WDR70: variants seen among roughly 807,000 people sequenced by gnomAD.
WDR70 encodes the protein WD repeat-containing protein 70.
A neutral mutation model predicts 88.6 loss-of-function variants in WDR70; 53 were observed. The ratio of observed to expected loss-of-function variants is 0.60; its 90% CI spans 0.48 to 0.75. WDR70 has a LOEUF of 0.75. WDR70 is among the 30% of genes least tolerant of loss of function. The probability of loss-of-function intolerance (pLI) is 0.00; values close to 1 mark genes in which losing one functional copy is unlikely to be tolerated. For synonymous variants in WDR70, 280 were observed against 270.0 expected (o/e 1.04, Z -0.36); for missense variants, 610 against 823.2 (o/e 0.74, Z 3.17).
intron 10 of WDR70, among the ~76,000 whole-genome samples, chr5:37,666,215 GCACTTGTGTTCA>G (rs1261379830): frequency 1.3e-5 from 2 of 152,150 alleles, no homozygotes; most frequent in Non-Finnish European, 2.9e-5. Flanking sequence ...ATTGGGATCT[GCACTTGTGTTCA>G]CACTTGTGTT....
At chr5:37,624,919 ATGTAGGTCAGATAATTCCTT>A (rs1415416016) in intron 10 of WDR70, among the ~76,000 whole-genome samples, 1 of 152,180 alleles carries the variant, frequency 6.6e-6, no homozygotes, top group African/African-American at 2.4e-5. Flanking sequence ...CAGACAAACA[ATGTAGGTCAGATAATTCCTT>A]TGTGGTCAGT....
chr5:37,646,990 C>A (rs990852260), intron 10 of WDR70, among the ~76,000 whole-genome samples: 1 of 152,136 alleles, frequency 6.6e-6, no homozygotes, highest in African/African-American at 2.4e-5. Context: ...CTCTTTAAGG[C>A]CAATAACTCT....
chr5:37,635,788 C>A (rs1561931722), intron 10 of WDR70, among the ~76,000 whole-genome samples: 2 of 152,156 alleles, frequency 1.3e-5, no homozygotes, highest in Non-Finnish European at 2.9e-5. Flanking sequence ...CAAATCTCAT[C>A]TTGAATTGTA....
chr5:37,738,353 G>A (rs1036372183), intron 17 of WDR70, among the ~76,000 whole-genome samples: 2 of 152,130 alleles, frequency 1.3e-5, no homozygotes, highest in African/African-American at 4.8e-5. Context: ...CCTCATACTT[G>A]CTCTGTTACC....
intron 10 of WDR70, among the ~76,000 whole-genome samples, chr5:37,697,153 G>T (rs1409633313): frequency 6.6e-6 from 1 of 152,306 alleles, no homozygotes; most frequent in East Asian, 1.9e-4. Flanking sequence ...TTGTGTAAGG[G>T]TTAGCTGCTG....
At chr5:37,415,634 CG>C (rs1749703082) in intron 5 of WDR70, among the ~76,000 whole-genome samples, 1 of 150,380 alleles carries the variant, frequency 6.6e-6, no homozygotes, top group Non-Finnish European at 1.5e-5. Context: ...ACCTCCCTCC[CG>C]GACGGGGCGG....
At chr5:37,494,940 C>A (rs911899987) in intron 8 of WDR70, among the ~76,000 whole-genome samples, 4 of 152,232 alleles carry the variant, frequency 2.6e-5, no homozygotes, top group Admixed American at 2.6e-4. Context: ...CCAGCCACCA[C>A]CCTGTTTTTG....
chr5:37,538,529 C>G (rs1741729259), intron 9 of WDR70, among the ~76,000 whole-genome samples: 1 of 152,132 alleles, frequency 6.6e-6, no homozygotes, highest in South Asian at 2.1e-4. Flanking sequence ...AGAAACTATT[C>G]CAGTGAAGGC....
intron 5 of WDR70, among the ~76,000 whole-genome samples, chr5:37,422,990 A>G (rs918094649): frequency 6.6e-6 from 1 of 152,138 alleles, no homozygotes; most frequent in African/African-American, 2.4e-5. Flanking sequence ...ATTGCTACCA[A>G]GGTGGTGGAG....
At chr5:37,610,180 T>C (rs9292658) in intron 10 of WDR70, among the ~76,000 whole-genome samples, 16,159 of 150,876 alleles carry the variant, frequency 0.11, 2,794 homozygotes, top group African/African-American at 0.37. Flanking sequence ...GCAGGAGAAT[T>C]GCTTGAATCT....
At chr5:37,679,025 A>G (rs1157590161) in intron 10 of WDR70, among the ~76,000 whole-genome samples, 1 of 152,106 alleles carries the variant, frequency 6.6e-6, no homozygotes, top group African/African-American at 2.4e-5. Flanking sequence ...TGATCACATC[A>G]GCTCCTGAGG....
In WDR70 at chr5:37,721,198, C is replaced by G; in HGVS notation, c.1500C>G (p.Asp500Glu). ...TGNGLAKVYY[D>E]PNKSQRGAKL... ...ATGGATTGGCTAAAGTCTATTACGACCCCAACAAGAGTCAGAGGTATTTCA... is the reference window on the plus strand; with the variant it reads ...ATGGATTGGCTAAAGTCTATTACGAGCCCAACAAGAGTCAGAGGTATTTCA... Residue 500 changes from aspartate to glutamate, a missense_variant, in exon 14 of 18, where the codon GAC (aspartate) becomes GAG (glutamate). Around this residue, in one of 4 missense-constraint regions of WDR70, gnomAD observed 254 missense variants for 300.7 expected, o/e 0.84. Transcript: ENST00000265107. 1 of 1,613,592 alleles carries G rather than the reference C, an allele frequency of 6.2e-7. No individual in the cohort carries two copies. The highest frequency in any genetic ancestry group is 8.5e-7 in the Non-Finnish European group (1 of 1,179,680).
Position 37,701,401 on chromosome 5 carries a change from G to A in WDR70, c.1277+259G>A, listed in dbSNP as rs539159546. 4.6e-5 allele frequency among the ~76,000 whole-genome samples: 7 copies of A among 152,100 alleles called. No homozygotes were observed. In the East Asian group the frequency reaches 1.4e-3, roughly 29 times the overall value. On this transcript the variant is annotated intron_variant, in intron 12 of 17. Transcript: ENST00000265107. ...TGTATTGTATGCACGCACAAGTCTTGGAGTATTAAAATATATTTTAAGAGA... is the reference window on the plus strand; with the variant it reads ...TGTATTGTATGCACGCACAAGTCTTAGAGTATTAAAATATATTTTAAGAGA...
intron 10 of WDR70, 21 bp downstream of exon 10, chr5:37,605,259 G>C (rs375236083): frequency 1.9e-6 from 3 of 1,580,870 alleles, no homozygotes; most frequent in Non-Finnish European, 1.7e-6. Context: ...TCTTTTCTTA[G>C]AACATGGCCA....
chr5:37,601,143 T>C (rs1409876845), intron 9 of WDR70, among the ~76,000 whole-genome samples: 1 of 152,376 alleles, frequency 6.6e-6, no homozygotes, highest in East Asian at 1.9e-4. Flanking sequence ...CTGTTGAGTA[T>C]GATGTTAGCT....
chr5:37,513,739 G>A (rs1222743728), intron 8 of WDR70, among the ~76,000 whole-genome samples: 1 of 152,094 alleles, frequency 6.6e-6, no homozygotes, highest in Non-Finnish European at 1.5e-5. Flanking sequence ...TGGGAGGCTA[G>A]GCCAGTCTCT....
chr5:37,499,179 TCTCGGCTCACTGCAACCTCCA>T (rs1296164037), intron 8 of WDR70, among the ~76,000 whole-genome samples: 2 of 151,906 alleles, frequency 1.3e-5, no homozygotes, highest in African/African-American at 4.8e-5. Flanking sequence ...AGTGGTGCAG[TCTCGGCTCACTGCAACCTCCA>T]CTCCCCAGGT....
intron 10 of WDR70, among the ~76,000 whole-genome samples, chr5:37,688,325 G>C (rs996302425): frequency 6.6e-6 from 1 of 152,110 alleles, no homozygotes; most frequent in Non-Finnish European, 1.5e-5. Flanking sequence ...TCTAGATTTT[G>C]TGCCTCCTGG....
intron 9 of WDR70, 135 bp downstream of exon 9, chr5:37,516,725 A>T (rs4540204): frequency 0.4 from 50,781 of 127,364 alleles, 9,883 homozygotes; most frequent in East Asian, 0.5. Flanking sequence ...ATATATATAT[A>T]TTTTTTTTTT....
Sources: gnomAD v4.1 joint callset for allele counts (sites outside exome capture counted in the v4.1 genomes callset) on GRCh38, gnomAD v4.1.1 for gene constraint, gnomAD v4.1.1 regional missense constraint, MANE v1.5 for transcripts, NCBI Gene and HGNC (gene_info 2026-07-23, HGNC 2026-07-21) for gene names.